PCDHGA10: variants seen among roughly 807,000 people sequenced by gnomAD.
PCDHGA10 encodes the protein protocadherin gamma-A10.
Under a neutral mutation model 59.5 loss-of-function variants are expected in PCDHGA10, and 42 were observed. The observed-to-expected ratio is 0.71, with a 90% CI of 0.55 to 0.91. The LOEUF (loss-of-function observed/expected upper bound fraction) is 0.91, where lower values mean the gene tolerates loss of function less well. Ranked by LOEUF, PCDHGA10 falls within the 40% of genes least tolerant of loss-of-function variation. The pLI is 0.00. For synonymous variants in PCDHGA10, 511 were observed against 517.2 expected (o/e 0.99, Z 0.16); for missense variants, 1,111 against 1,198.2 (o/e 0.93, Z 1.07).
intron 1 of PCDHGA10, chr5:141,422,968 C>A (rs766010601): frequency 6.2e-7 from 1 of 1,614,240 alleles, no homozygotes; most frequent in Non-Finnish European, 8.5e-7. Context: ...GCTGGCGCCC[C>A]GCTCTGCGGA....
chr5:141,481,288 A>AGTC (rs2099535099), intron 1 of PCDHGA10, among the ~76,000 whole-genome samples: 1 of 152,188 alleles, frequency 6.6e-6, no homozygotes, highest in Admixed American at 6.5e-5. Flanking sequence ...ATGGTATTTC[A>AGTC]GTCATCTAAG....
At position 141,476,477 on chromosome 5, in the gene PCDHGA10, G is replaced by A; in HGVS notation, c.2437-18330G>A. 1.2e-6 allele frequency: 2 copies of A among 1,614,078 alleles called. No individual in the cohort carries two copies. Among genetic ancestry groups the A allele is most frequent in the South Asian group, 1.1e-5 (1 of 91,070 alleles). ...GGAGAACCCGCTGGAGCTGTTCAGC[G>A]TGGAAGTGGTGATCCAGGACATCAA... On this transcript the variant is annotated intron_variant, in intron 1 of 3. Transcript: ENST00000398610. This position sits in a 1 kb window ranked among gnomAD's most constrained non-coding sequence, Gnocchi z 7.6.
Position 141,487,289 on chromosome 5 carries a change from G to A in PCDHGA10, c.2437-7518G>A. The A allele has an allele frequency of 1.2e-6, 2 of 1,614,096 alleles. No individual in the cohort carries two copies. The highest frequency in any genetic ancestry group is 1.7e-6 in the Non-Finnish European group (2 of 1,180,024). On this transcript the variant is annotated intron_variant, in intron 1 of 3. Coordinates refer to ENST00000398610, the MANE Select transcript of PCDHGA10 (RefSeq NM_018913.3). The surrounding 1 kb of genome is among the most constrained non-coding windows in gnomAD (Gnocchi z 5.0). ...AGTGGCAATTTGCTTTGTCTCCTTTGGCTCATTCGTGGCACTACTCTCTAA... is the reference window on the plus strand; with the variant it reads ...AGTGGCAATTTGCTTTGTCTCCTTTAGCTCATTCGTGGCACTACTCTCTAA...
chr5:141,473,930 G>T (rs966856411), intron 1 of PCDHGA10, among the ~76,000 whole-genome samples: 3 of 152,156 alleles, frequency 2.0e-5, no homozygotes, highest in Admixed American at 6.5e-5. Flanking sequence ...TGAGCTGGGT[G>T]CAGTAGCTCA....
At chr5:141,510,785 C>G (rs951225541) in intron 3 of PCDHGA10, among the ~76,000 whole-genome samples, 162 bp from the exon 4 acceptor site, 1 of 152,150 alleles carries the variant, frequency 6.6e-6, no homozygotes, top group Non-Finnish European at 1.5e-5. Flanking sequence ...ACCCTCAACT[C>G]TTGTGAAGAG....
chr5:141,423,612 TGAAGAC>T, intron 1 of PCDHGA10: 1 of 1,611,004 alleles, frequency 6.2e-7, no homozygotes, highest in African/African-American at 1.3e-5. Flanking sequence ...TCTTGATAGC[TGAAGAC>T]TCAGCTATCA....
At chr5:141,504,203 A>G (rs2099836487) in intron 2 of PCDHGA10, among the ~76,000 whole-genome samples, 1 of 152,248 alleles carries the variant, frequency 6.6e-6, no homozygotes, top group Non-Finnish European at 1.5e-5. Context: ...TCACTGTGGG[A>G]AAATTCCAAG....
chr5:141,421,359 C>T, intron 1 of PCDHGA10: 1 of 1,614,012 alleles, frequency 6.2e-7, no homozygotes, highest in Non-Finnish European at 8.5e-7. Context: ...AAAAGGGCTC[C>T]TTCGTGGGCA....
chr5:141,491,726 C>T lies in PCDHGA10; in HGVS notation c.2437-3081C>T. On this transcript the variant is annotated intron_variant, in intron 1 of 3. Transcript: ENST00000398610. This position sits in a 1 kb window ranked among gnomAD's most constrained non-coding sequence, Gnocchi z 6.9. ...GTGAGGGGCTCGGCGCCGCCCCGGG[C>T]GACCCCTGGGGGCGGCACTGGAGAA... The T allele has an allele frequency of 6.2e-7, 1 of 1,605,884 alleles. No individual in the cohort carries two copies. Among genetic ancestry groups the T allele is most frequent in the East Asian group, 2.2e-5 (1 of 44,600 alleles).
At chr5:141,434,561 G>A (rs2097702856) in intron 1 of PCDHGA10, among the ~76,000 whole-genome samples, 1 of 152,188 alleles carries the variant, frequency 6.6e-6, no homozygotes, top group Non-Finnish European at 1.5e-5. Flanking sequence ...GTGCCTTAAG[G>A]ACATGCCCCT....
At chr5:141,466,281 C>T (rs555506496) in intron 1 of PCDHGA10, among the ~76,000 whole-genome samples, 76 of 152,252 alleles carry the variant, frequency 5.0e-4, no homozygotes, top group African/African-American at 1.7e-3. Context: ...AGCAATCTTC[C>T]CACCTCAGGC....
chr5:141,422,330 C>A, intron 1 of PCDHGA10: 1 of 1,548,166 alleles, frequency 6.5e-7, no homozygotes. Flanking sequence ...ACAGTGATTG[C>A]TCTTCTAAAT....
chr5:141,463,018 T>C (rs1318740358), intron 1 of PCDHGA10, among the ~76,000 whole-genome samples: 1 of 152,212 alleles, frequency 6.6e-6, no homozygotes, highest in Admixed American at 6.5e-5. Flanking sequence ...AATTCTGACT[T>C]TTTTGATTAA....
chr5:141,435,104 G>A (rs1009839042), intron 1 of PCDHGA10, among the ~76,000 whole-genome samples: 1 of 151,968 alleles, frequency 6.6e-6, no homozygotes, highest in Non-Finnish European at 1.5e-5. Flanking sequence ...TTATCTAGGG[G>A]GGAGAAATCT....
At chr5:141,420,473 G>A (rs1016985115) in intron 1 of PCDHGA10, 8 of 707,118 alleles carry the variant, frequency 1.1e-5, no homozygotes, top group Non-Finnish European at 1.6e-5. Flanking sequence ...ACATTTTAAA[G>A]CAAACTACAT....
intron 1 of PCDHGA10, among the ~76,000 whole-genome samples, chr5:141,472,402 G>T (rs569497172): frequency 6.6e-6 from 1 of 152,042 alleles, no homozygotes; most frequent in Non-Finnish European, 1.5e-5. Context: ...TTAGCCAGGC[G>T]TGGTGGCACG....
In PCDHGA10 at chr5:141,490,304, T is replaced by G. The variant is rs2099698490; in HGVS notation, c.2437-4503T>G. On this transcript the variant is annotated intron_variant, in intron 1 of 3. Coordinates refer to ENST00000398610, the MANE Select transcript of PCDHGA10 (RefSeq NM_018913.3). This position sits in a 1 kb window ranked among gnomAD's most constrained non-coding sequence, Gnocchi z 5.4. ...GCCCCAGAGGTGCTATTGGCCTCTT[T>G]GGCCAACCCTGTCCTAGAGAGCACA... 1.2e-6 allele frequency: 2 copies of G among 1,614,026 alleles called. No homozygotes were observed. The highest frequency in any genetic ancestry group is 1.7e-5 in the Admixed American group (1 of 60,010).
chr5:141,422,074 C>T (rs886758924), intron 1 of PCDHGA10: 8 of 1,612,146 alleles, frequency 5.0e-6, no homozygotes, highest in African/African-American at 4.0e-5. Context: ...GTATTCATTT[C>T]GGAACATGGA....
intron 1 of PCDHGA10, chr5:141,421,791 TG>T (rs1561796446): frequency 6.2e-7 from 1 of 1,613,792 alleles, no homozygotes; most frequent in Non-Finnish European, 8.5e-7. Flanking sequence ...GCAGAACGGA[TG>T]GGGCCAAGAA....
Sources: allele counts gnomAD v4.1 joint callset (sites outside exome capture counted in the v4.1 genomes callset), GRCh38; gene constraint gnomAD v4.1.1; non-coding constraint Gnocchi (gnomAD v3.1); transcripts MANE v1.5; gene names NCBI Gene and HGNC (gene_info 2026-07-23, HGNC 2026-07-21).